SLC22A4: variants seen among roughly 807,000 people sequenced by gnomAD.
The protein encoded by SLC22A4 is ET transporter.
In SLC22A4, 39 loss-of-function variants were observed where a neutral mutation model predicts 56.6. That is an observed-to-expected ratio of 0.69 (90% CI 0.53 to 0.90). The LOEUF (loss-of-function observed/expected upper bound fraction) is 0.90, where lower values mean the gene tolerates loss of function less well. Ranked by LOEUF, SLC22A4 falls within the 40% of genes least tolerant of loss-of-function variation. The pLI, the probability that SLC22A4 is intolerant of heterozygous loss-of-function variation, is 0.00. For synonymous variants in SLC22A4, 241 were observed against 281.4 expected (o/e 0.86, Z 1.44); for missense variants, 594 against 696.5 (o/e 0.85, Z 1.66).
At chr5:132,304,331 G>A (rs749465943) in intron 1 of SLC22A4, among the ~76,000 whole-genome samples, 1 of 152,184 alleles carries the variant, frequency 6.6e-6, no homozygotes, top group South Asian at 2.1e-4. Flanking sequence ...TTAATAGAAA[G>A]ATCAGACTGG....
chr5:132,302,493 C>A (rs963393623), intron 1 of SLC22A4, among the ~76,000 whole-genome samples: 3 of 152,074 alleles, frequency 2.0e-5, no homozygotes, highest in Admixed American at 1.3e-4. Context: ...GGCAAGGATC[C>A]CCATTTGGAA....
chr5:132,299,304 A>G (rs1276961416), intron 1 of SLC22A4, among the ~76,000 whole-genome samples: 1 of 152,206 alleles, frequency 6.6e-6, no homozygotes, highest in Non-Finnish European at 1.5e-5. Context: ...GTGTGTGTAC[A>G]TGTGTATAAG....
chr5:132,304,479 TGGTGGCA>T (rs1203799756), intron 1 of SLC22A4, among the ~76,000 whole-genome samples: 1 of 152,130 alleles, frequency 6.6e-6, no homozygotes, highest in Non-Finnish European at 1.5e-5. Context: ...TAGCTGGGCA[TGGTGGCA>T]GGTCCCTGTA....
chr5:132,294,509 C>T lies in SLC22A4; in HGVS notation c.-108C>T. 25 of 1,495,518 alleles carry T rather than the reference C, an allele frequency of 1.7e-5. 1 individual carries two copies. Among genetic ancestry groups the T allele is most frequent in the Non-Finnish European group, 2.0e-5 (22 of 1,086,994 alleles). The allele number at this position is 1,495,518 out of a possible 1,614,324, so 92.6% of individuals were successfully genotyped here. A position where few individuals can be genotyped will look rare whatever the true frequency, so the allele number is the denominator to read the frequency against. ...CCCCAATTTCTAACAGCCTGCCTGT[C>T]CCCCGGGAACGTTCTAACATCCTTG... On this transcript the variant is annotated 5_prime_UTR_variant, in exon 1 of 10. Transcript: ENST00000200652. This position sits in a 1 kb window ranked among gnomAD's most constrained non-coding sequence, Gnocchi z 5.6.
Position 132,343,926 on chromosome 5 carries a change from A to G in SLC22A4, c.*91A>G. 1.3e-6 allele frequency: 1 copy of G among 765,016 alleles called. No homozygotes were observed. Among genetic ancestry groups the G allele is most frequent in the East Asian group, 2.6e-5 (1 of 39,026 alleles). The allele number at this position is 765,016 out of a possible 1,614,324, so 47.4% of individuals were successfully genotyped here. On this transcript the variant is annotated 3_prime_UTR_variant, in exon 10 of 10. Transcript: ENST00000200652. The stretch of plus-strand genomic sequence containing the variant: ...GTTCCCACTGAAATGGACTGACTGT[A>G]ACGATTGACACCAAAATGAACCTTG...
intron 8 of SLC22A4, among the ~76,000 whole-genome samples, chr5:132,338,270 A>T (rs1003175552): frequency 1.3e-5 from 2 of 152,138 alleles, no homozygotes; most frequent in African/African-American, 4.8e-5. Context: ...TAGTGATTTC[A>T]AAAGGGGAGG....
rs1260534073 is a variant in SLC22A4 at position 132,340,642 on chromosome 5, C to T, written c.1522C>T (p.Pro508Ser). 1 of 1,613,752 alleles carries T rather than the reference C, an allele frequency of 6.2e-7. No homozygotes were observed. The highest frequency in any genetic ancestry group is 8.5e-7 in the Non-Finnish European group (1 of 1,179,870). Residue 508 changes from proline to serine, a missense_variant, in exon 9 of 10, where the codon CCT becomes TCT. Coordinates refer to ENST00000200652, the MANE Select transcript of SLC22A4 (RefSeq NM_003059.3). ...GATTGGAATCCTCACCCTTTTTTTC[C>T]CTGAAAGTTTGGGAATGACTCTTCC... Reference protein sequence around the residue: ...VLIGILTLFFPESLGMTLPET... With the variant: ...VLIGILTLFFSESLGMTLPET...
In SLC22A4 at chr5:132,294,514, G is replaced by A; in HGVS notation, c.-103G>A. The A allele has an allele frequency of 1.3e-6, 2 of 1,524,882 alleles. No homozygotes were observed. Among genetic ancestry groups the A allele is most frequent in the Non-Finnish European group, 9.0e-7 (1 of 1,110,612 alleles). 94.5% of individuals were successfully genotyped at this position (1,524,882 alleles called of 1,614,324 possible). On this transcript the variant is annotated 5_prime_UTR_variant, in exon 1 of 10. Coordinates refer to ENST00000200652, the MANE Select transcript of SLC22A4 (RefSeq NM_003059.3). This position sits in a 1 kb window ranked among gnomAD's most constrained non-coding sequence, Gnocchi z 5.6. The stretch of plus-strand genomic sequence containing the variant: ...ATTTCTAACAGCCTGCCTGTCCCCC[G>A]GGAACGTTCTAACATCCTTGGGGAG...
intron 3 of SLC22A4, among the ~76,000 whole-genome samples, chr5:132,318,494 C>A (rs934325655): frequency 1.3e-5 from 2 of 152,114 alleles, no homozygotes; most frequent in Admixed American, 6.5e-5. Context: ...GGCAGCTGCA[C>A]TACAGTCTTG....
chr5:132,334,416 A>G (rs1216772880), intron 6 of SLC22A4, among the ~76,000 whole-genome samples: 2 of 152,206 alleles, frequency 1.3e-5, no homozygotes, highest in Non-Finnish European at 2.9e-5. Flanking sequence ...ATTGTTGAAT[A>G]TTGGTATATC....
chr5:132,339,475 T>TAC (rs58759726), intron 8 of SLC22A4, among the ~76,000 whole-genome samples: 2,777 of 146,698 alleles, frequency 0.019, 39 homozygotes, highest in South Asian at 0.057. Context: ...GGTACACACG[T>TAC]ACACACACAC....
chr5:132,305,702 T>G (rs1313176789), intron 1 of SLC22A4, among the ~76,000 whole-genome samples: 1 of 152,202 alleles, frequency 6.6e-6, no homozygotes, highest in Non-Finnish European at 1.5e-5. Flanking sequence ...CCAACAAAAC[T>G]GTCTTTCAAA....
chr5:132,322,395 G>T, intron 4 of SLC22A4, 40 bp downstream of exon 4: 1 of 1,594,240 alleles, frequency 6.3e-7, no homozygotes, highest in Non-Finnish European at 8.6e-7. Context: ...TCTGCTGCGG[G>T]TCAGCACACC....
At chr5:132,310,411 C>G (rs1036227961) in intron 1 of SLC22A4, among the ~76,000 whole-genome samples, 1 of 152,210 alleles carries the variant, frequency 6.6e-6, no homozygotes, top group African/African-American at 2.4e-5. Context: ...TGCAGGCACA[C>G]GTCCTGTTTA....
intron 6 of SLC22A4, among the ~76,000 whole-genome samples, chr5:132,334,101 G>A (rs1013927391): frequency 1.1e-4 from 17 of 152,046 alleles, no homozygotes; most frequent in African/African-American, 1.9e-4. Flanking sequence ...GAGCCACCAC[G>A]CATGGCCCAC....
chr5:132,299,393 C>CG (rs1749853665), intron 1 of SLC22A4, among the ~76,000 whole-genome samples: 1 of 115,492 alleles, frequency 8.7e-6, no homozygotes, highest in African/African-American at 3.7e-5. Flanking sequence ...AATTATTTTT[C>CG]GTTTTATTTT....
intron 5 of SLC22A4, among the ~76,000 whole-genome samples, chr5:132,328,278 G>A (rs1750736925): frequency 6.6e-6 from 1 of 152,074 alleles, no homozygotes; most frequent in Non-Finnish European, 1.5e-5. Flanking sequence ...AGTCTGCTCA[G>A]GACACCTAAA....
rs751103752 is a variant in SLC22A4, at chr5:132,294,641, G to T, written c.25G>T (p.Ala9Ser). 6.2e-7 allele frequency: 1 copy of T among 1,614,182 alleles called. No individual in the cohort carries two copies. The change falls in exon 1 of 10, where the codon GCC becomes TCC. Residue 9 changes from alanine (A) to serine (S), a missense_variant. Coordinates refer to ENST00000200652, the MANE Select transcript of SLC22A4 (RefSeq NM_003059.3). The surrounding 1 kb of genome is among the most constrained non-coding windows in gnomAD (Gnocchi z 5.6). MRDYDEVIAFLGEWGPFQR... is the reference protein window; with the variant it reads MRDYDEVISFLGEWGPFQR... ...CATGCGGGACTACGACGAGGTGATC[G>T]CCTTCCTGGGCGAGTGGGGGCCCTT... is the stretch of plus-strand genomic sequence containing the variant.
intron 1 of SLC22A4, among the ~76,000 whole-genome samples, chr5:132,299,525 G>C (rs78290647): frequency 6.6e-6 from 1 of 152,136 alleles, no homozygotes; most frequent in Admixed American, 6.5e-5. Flanking sequence ...TGCCTCCTTG[G>C]TTCAAGCGAT....
Sources: gnomAD v4.1 joint callset for allele counts (sites outside exome capture counted in the v4.1 genomes callset) on GRCh38, gnomAD v4.1.1 for gene constraint, Gnocchi (gnomAD v3.1) non-coding constraint, MANE v1.5 for transcripts, NCBI Gene and HGNC (gene_info 2026-07-23, HGNC 2026-07-21) for gene names.